DCC: variants seen among roughly 807,000 people sequenced by gnomAD.
DCC encodes the protein DCC netrin 1 receptor.
In DCC, 58 loss-of-function variants were observed where a neutral mutation model predicts 172.5. That is an observed-to-expected ratio of 0.34 (90% confidence interval 0.27 to 0.42). DCC has a LOEUF of 0.42. Among genes scored for constraint, DCC ranks in the 10% least tolerant of loss-of-function variants. The probability of loss-of-function intolerance (pLI) is 1.00; values close to 1 mark genes in which losing one functional copy is unlikely to be tolerated. For synonymous variants in DCC, 709 were observed against 644.5 expected, an observed-to-expected ratio of 1.10 and a Z score of -1.52; for missense variants, 1,740 against 1,791.0, an observed-to-expected ratio of 0.97 and a Z score of 0.51.
At chr18:53,102,329 C>T (rs2043185306) in intron 7 of DCC, among the ~76,000 whole-genome samples, 1 of 152,070 alleles carries the variant, frequency 6.6e-6, no homozygotes, top group Non-Finnish European at 1.5e-5. Flanking sequence ...CTTCACAAGC[C>T]ATTTTTAGGG....
At chr18:53,041,512 C>T (rs1053504476) in intron 5 of DCC, among the ~76,000 whole-genome samples, 1 of 151,910 alleles carries the variant, frequency 6.6e-6, no homozygotes, top group Admixed American at 6.6e-5. Flanking sequence ...TTTTTGGTTC[C>T]ATAAGAAATT....
intron 2 of DCC, among the ~76,000 whole-genome samples, chr18:52,765,009 C>A (rs982987336): frequency 2.0e-5 from 3 of 150,934 alleles, no homozygotes; most frequent in African/African-American, 4.9e-5. Context: ...ATACCTCTAG[C>A]CTCATTTTCT....
At chr18:52,721,765 C>T (rs2036477043) in intron 1 of DCC, among the ~76,000 whole-genome samples, 1 of 152,170 alleles carries the variant, frequency 6.6e-6, no homozygotes, top group Non-Finnish European at 1.5e-5. Context: ...TGGCTCATGC[C>T]TGTAATCTGA....
At chr18:53,220,057 G>C (rs1429510263) in intron 12 of DCC, among the ~76,000 whole-genome samples, 1 of 152,098 alleles carries the variant, frequency 6.6e-6, no homozygotes, top group Non-Finnish European at 1.5e-5. Flanking sequence ...CAAGTCCATA[G>C]CCAAGTGGGT....
At chr18:53,138,925 T>C (rs2043789332) in intron 7 of DCC, among the ~76,000 whole-genome samples, 2 of 152,308 alleles carry the variant, frequency 1.3e-5, no homozygotes, top group Admixed American at 6.5e-5. Context: ...GAAAGGCAGC[T>C]ACAGATGGTG....
intron 12 of DCC, among the ~76,000 whole-genome samples, chr18:53,222,383 CTT>C (rs67373546): frequency 0.31 from 31,418 of 102,372 alleles, 2,907 homozygotes; most frequent in East Asian, 0.54. Flanking sequence ...TTTCTTTTTT[CTT>C]TTTTTTTTTT....
At chr18:52,988,911 T>A (rs189262374) in intron 5 of DCC, among the ~76,000 whole-genome samples, 1 of 151,414 alleles carries the variant, frequency 6.6e-6, no homozygotes, top group Admixed American at 6.6e-5. Context: ...CCAGGTTTTT[T>A]ACATGGTATT....
intron 1 of DCC, among the ~76,000 whole-genome samples, chr18:52,463,184 C>CAA (rs1158598480): frequency 2.0e-5 from 3 of 152,054 alleles, no homozygotes; most frequent in Admixed American, 1.3e-4. Flanking sequence ...ACAAAAGTAG[C>CAA]AAGGTTTGGT....
chr18:53,454,136 C>A (rs1324033702), intron 23 of DCC, among the ~76,000 whole-genome samples: 2 of 152,116 alleles, frequency 1.3e-5, no homozygotes, highest in Admixed American at 1.3e-4. Flanking sequence ...TGGCTTGAGA[C>A]CAGGAGTTTG....
At chr18:52,640,336 C>A (rs1022848091) in intron 1 of DCC, among the ~76,000 whole-genome samples, 3 of 152,094 alleles carry the variant, frequency 2.0e-5, no homozygotes, top group African/African-American at 2.4e-5. Context: ...CCCTCTTCAA[C>A]ATAGTATTGG....
chr18:53,157,341 C>T lies in DCC; in HGVS notation c.1262-15C>T, dbSNP rs752395143. The T allele has an allele frequency of 6.2e-7, 1 of 1,613,684 alleles. No homozygotes were observed. The highest frequency in any genetic ancestry group is 1.7e-5 in the Admixed American group (1 of 60,008). On this transcript the variant is annotated splice_polypyrimidine_tract_variant and intron_variant, in intron 7 of 28. Transcript: ENST00000442544. ...GCAGCGACACCTCTGATAGCCTCCT[C>T]TTCTTTCTCCTTAGCTATCCCAAGC...
intron 7 of DCC, among the ~76,000 whole-genome samples, chr18:53,123,864 T>C (rs1278791878): frequency 6.6e-6 from 1 of 152,112 alleles, no homozygotes; most frequent in East Asian, 1.9e-4. Flanking sequence ...TTCTTTCTTC[T>C]TGGCTGGAAT....
intron 3 of DCC, among the ~76,000 whole-genome samples, chr18:52,917,603 G>A (rs181016304): frequency 3.2e-4 from 49 of 152,254 alleles, no homozygotes; most frequent in African/African-American, 1.2e-3. Context: ...AAAGTGAAGA[G>A]GAAAGAGAGA....
intron 12 of DCC, among the ~76,000 whole-genome samples, chr18:53,294,519 T>C (rs1371862982): frequency 6.6e-6 from 1 of 152,110 alleles, no homozygotes; most frequent in Admixed American, 6.5e-5. Flanking sequence ...CATGCCTAAG[T>C]TCAGAAAGGG....
At chr18:53,071,595 T>C (rs1026026183) in intron 7 of DCC, among the ~76,000 whole-genome samples, 1 of 152,216 alleles carries the variant, frequency 6.6e-6, no homozygotes. Context: ...ACATTAAAAA[T>C]ATGGAGCCAT....
intron 1 of DCC, among the ~76,000 whole-genome samples, chr18:52,722,084 C>T (rs183588510): frequency 1.3e-5 from 2 of 152,130 alleles, no homozygotes; most frequent in Non-Finnish European, 1.5e-5. Flanking sequence ...ATGCACATTG[C>T]ATTCATGTCT....
intron 5 of DCC, among the ~76,000 whole-genome samples, chr18:53,048,021 T>A (rs1369624505): frequency 1.3e-5 from 2 of 151,912 alleles, no homozygotes; most frequent in African/African-American, 4.8e-5. Flanking sequence ...AAAATGACAT[T>A]TCCCCACACT....
At chr18:53,475,387 G>A (rs765779407) in intron 25 of DCC, among the ~76,000 whole-genome samples, 1 of 152,194 alleles carries the variant, frequency 6.6e-6, no homozygotes, top group Non-Finnish European at 1.5e-5. Flanking sequence ...GGCCCTGGAG[G>A]CCTTGGAGGA....
intron 2 of DCC, among the ~76,000 whole-genome samples, chr18:52,804,369 A>G (rs1208587686): frequency 1.3e-5 from 2 of 152,206 alleles, no homozygotes; most frequent in Non-Finnish European, 2.9e-5. Flanking sequence ...AAGCCAGGCC[A>G]CTCATGACCA....
Sources: allele counts gnomAD v4.1 joint callset (sites outside exome capture counted in the v4.1 genomes callset), GRCh38; gene constraint gnomAD v4.1.1; transcripts MANE v1.5; gene names NCBI Gene and HGNC (gene_info 2026-07-23, HGNC 2026-07-21).